ERICH6B: variants seen among roughly 807,000 people sequenced by gnomAD.
ERICH6B encodes glutamate-rich protein 6B.
ERICH6B carries 69 observed loss-of-function variants against 80.0 expected under a neutral mutation model. The ratio of observed to expected loss-of-function variants is 0.86; its 90% confidence interval spans 0.71 to 1.05. The LOEUF is 1.05. Ranked by LOEUF, ERICH6B falls within the 50% of genes least tolerant of loss-of-function variation. ERICH6B has a pLI of 0.00. For missense variants in ERICH6B, 754 were observed against 796.1 expected (o/e 0.95, Z 0.64); for synonymous variants, 283 against 291.9 (o/e 0.97, Z 0.31).
chr13:45,580,040 C>T, intron 6 of ERICH6B, 66 bp from the exon 7 acceptor site: 2 of 1,266,912 alleles, frequency 1.6e-6, no homozygotes, highest in Middle Eastern at 1.9e-4. Context: ...ACCTTTTAAT[C>T]CCTTATGGAA....
chr13:45,599,844 T>C (rs1215505568), intron 2 of ERICH6B, among the ~76,000 whole-genome samples: 47 of 152,170 alleles, frequency 3.1e-4, no homozygotes, highest in Admixed American at 3.0e-3. Context: ...TTAAAGCAAC[T>C]CTGGAGCAAG....
At chr13:45,584,299 G>T (rs950015912) in intron 5 of ERICH6B, among the ~76,000 whole-genome samples, 2 of 152,114 alleles carry the variant, frequency 1.3e-5, no homozygotes, top group Non-Finnish European at 2.9e-5. Context: ...GGATCACAAG[G>T]CATTTCCTGT....
chr13:45,610,767 G>A (rs1190316318), intron 1 of ERICH6B, among the ~76,000 whole-genome samples: 1 of 151,704 alleles, frequency 6.6e-6, no homozygotes, highest in African/African-American at 2.4e-5. Flanking sequence ...TGAAAATATG[G>A]TATTATAATC....
chr13:45,589,120 A>T (rs1043290362), intron 4 of ERICH6B, among the ~76,000 whole-genome samples: 11 of 152,090 alleles, frequency 7.2e-5, no homozygotes, highest in Admixed American at 6.5e-4. Context: ...TGTGAATGTA[A>T]CACTTACTGC....
intron 9 of ERICH6B, among the ~76,000 whole-genome samples, chr13:45,567,322 A>C (rs899954185): frequency 1.3e-5 from 2 of 152,132 alleles, no homozygotes; most frequent in African/African-American, 4.8e-5. Flanking sequence ...GGAAGGCATG[A>C]TTGGTTTTGA....
rs562379821 is a variant in ERICH6B at position 45,546,164 on chromosome 13, C to G, written c.1647-1179G>C. Among the ~76,000 whole-genome samples the G allele has an allele frequency of 3.3e-5, 5 of 152,348 alleles. No homozygotes were observed. The East Asian group carries it at 7.7e-4, about 24-fold the overall frequency. On this transcript the variant is annotated intron_variant, in intron 13 of 14. Coordinates refer to ENST00000298738, the MANE Select transcript of ERICH6B (RefSeq NM_182542.3). ...GAATGAAGGGTGGATGGATTTCTCT[C>G]TCATCCATTCCTGACCCTATTCTGT...
chr13:45,602,871 G>A (rs577271202), intron 2 of ERICH6B, among the ~76,000 whole-genome samples: 1 of 152,262 alleles, frequency 6.6e-6, no homozygotes, highest in African/African-American at 2.4e-5. Context: ...ACCATTCAGG[G>A]TTCTCCAGAG....
In ERICH6B at chr13:45,587,217, G is replaced by A. The variant is rs1327804250; in HGVS notation, c.702C>T (p.Gly234=). Residue 234 remains glycine (G), a synonymous_variant, in exon 5 of 15, where the codon GGC becomes GGT. Transcript: ENST00000298738. ...TCAAGAAGGTGGTCACCTGAGAGGG[G>A]CCAGCGTCTGGACTCCTGTCAGAGG... ...LLRDARSPDA[G]PSQVTTFLTV... The A allele has an allele frequency of 3.9e-6, 6 of 1,551,672 alleles. No individual in the cohort carries two copies. In the East Asian group the frequency reaches 1.5e-4, roughly 38 times the overall value.
At chr13:45,552,624 C>T (rs1037374767) in intron 11 of ERICH6B, among the ~76,000 whole-genome samples, 3 of 151,784 alleles carry the variant, frequency 2.0e-5, no homozygotes, top group Non-Finnish European at 4.4e-5. Flanking sequence ...AATAGTTTTT[C>T]TAACCAAGTG....
At chr13:45,577,004 C>T (rs1037330936) in intron 7 of ERICH6B, among the ~76,000 whole-genome samples, 2 of 152,104 alleles carry the variant, frequency 1.3e-5, no homozygotes, top group African/African-American at 2.4e-5. Flanking sequence ...ATATCATTAT[C>T]TCCTCCTGAA....
chr13:45,607,064 G>T (rs1013513453), intron 2 of ERICH6B, among the ~76,000 whole-genome samples: 3 of 152,104 alleles, frequency 2.0e-5, no homozygotes, highest in Non-Finnish European at 2.9e-5. Context: ...GAGGGCTCTG[G>T]GGAAGCACGC....
At chr13:45,610,522 GTGAAT>G (rs1337987456) in intron 1 of ERICH6B, among the ~76,000 whole-genome samples, 1 of 152,182 alleles carries the variant, frequency 6.6e-6, no homozygotes, top group African/African-American at 2.4e-5. Context: ...CATGGTCTCT[GTGAAT>G]TGATTTTGTT....
intron 5 of ERICH6B, among the ~76,000 whole-genome samples, chr13:45,581,885 A>T (rs1309909185): frequency 6.6e-6 from 1 of 152,220 alleles, no homozygotes; most frequent in Non-Finnish European, 1.5e-5. Flanking sequence ...ACTTCTACAG[A>T]CAAGGAGCTC....
intron 7 of ERICH6B, 45 bp downstream of exon 7, chr13:45,579,888 C>G: frequency 6.5e-7 from 1 of 1,548,148 alleles, no homozygotes; most frequent in Non-Finnish European, 8.7e-7. Context: ...CCAGGGCACT[C>G]TGAAGAAAGC....
chr13:45,579,972 G>T lies in ERICH6B; in HGVS notation c.922C>A (p.His308Asn). ...TTTTGCTGTACTTTAGTGTTAACAT[G>T]CTCTAAAAAAGAATAAGAAAAATTA... ...ETTTKLAPEE[H>N]VNTKVQQKKE... Residue 308 changes from histidine (H) to asparagine (N), a missense_variant and splice_region_variant, in exon 7 of 15, where the codon CAT becomes AAT. Coordinates refer to ENST00000298738, the MANE Select transcript of ERICH6B (RefSeq NM_182542.3). The T allele has an allele frequency of 6.5e-7, 1 of 1,548,130 alleles. No individual in the cohort carries two copies. Among genetic ancestry groups the T allele is most frequent in the South Asian group, 1.2e-5 (1 of 83,954 alleles).
At chr13:45,575,013 T>G in intron 7 of ERICH6B, 83 bp from the exon 8 acceptor site, 6 of 872,172 alleles carry the variant, frequency 6.9e-6, no homozygotes, top group Non-Finnish European at 5.5e-6. Flanking sequence ...AGAATAGAAA[T>G]AGATTGATGG....
intron 2 of ERICH6B, among the ~76,000 whole-genome samples, chr13:45,605,760 GA>G (rs1163878705): frequency 6.6e-6 from 1 of 152,206 alleles, no homozygotes; most frequent in Admixed American, 6.5e-5. Flanking sequence ...CCGTGATAAA[GA>G]AAGTAAAGAG....
chr13:45,573,307 T>C (rs1875253276), intron 8 of ERICH6B, among the ~76,000 whole-genome samples: 1 of 152,220 alleles, frequency 6.6e-6, no homozygotes, highest in Non-Finnish European at 1.5e-5. Context: ...AAGTAAGTTA[T>C]TGAACAGAAT....
chr13:45,548,120 G>A (rs1874062784), intron 13 of ERICH6B, among the ~76,000 whole-genome samples: 5 of 152,206 alleles, frequency 3.3e-5, no homozygotes, highest in Admixed American at 3.3e-4. Flanking sequence ...CCTTGGGCTG[G>A]GAGTCAAGAT....
Sources: allele counts gnomAD v4.1 joint callset (sites outside exome capture counted in the v4.1 genomes callset), GRCh38; gene constraint gnomAD v4.1.1; transcripts MANE v1.5; gene names NCBI Gene and HGNC (gene_info 2026-07-23, HGNC 2026-07-21).